The following NCAM2 variants were observed in gnomAD, a reference collection of about 807,000 sequenced individuals.
The protein encoded by NCAM2 is neural cell adhesion molecule 2.
NCAM2 carries 30 observed loss-of-function variants against 98.1 expected under a neutral mutation model. The ratio of observed to expected loss-of-function variants is 0.31; its 90% CI spans 0.23 to 0.41. NCAM2 has a LOEUF of 0.41. NCAM2 is among the 10% of genes least tolerant of loss of function. NCAM2 has a pLI of 1.00. For synonymous variants in NCAM2, 368 were observed against 342.4 expected (o/e 1.07, Z -0.83); for missense variants, 867 against 1,005.8 (o/e 0.86, Z 1.87).
intron 1 of NCAM2, among the ~76,000 whole-genome samples, chr21:21,228,752 G>A (rs1445934682): frequency 6.6e-6 from 1 of 151,358 alleles, no homozygotes; most frequent in Non-Finnish European, 1.5e-5. Flanking sequence ...TTACACCTGG[G>A]AGGCAAGAAA....
intron 16 of NCAM2, among the ~76,000 whole-genome samples, chr21:21,530,895 A>G (rs1989655730): frequency 6.6e-6 from 1 of 152,010 alleles, no homozygotes; most frequent in Non-Finnish European, 1.5e-5. Context: ...TTGCCCACAG[A>G]AGTCTATTCC....
chr21:21,406,093 CAG>C (rs1294788797), intron 9 of NCAM2, among the ~76,000 whole-genome samples: 3 of 152,080 alleles, frequency 2.0e-5, no homozygotes, highest in Admixed American at 6.6e-5. Context: ...ATTCGTCAAA[CAG>C]AAATTATTCC....
At chr21:21,012,300 C>T (rs965315129) in intron 1 of NCAM2, among the ~76,000 whole-genome samples, 8 of 152,092 alleles carry the variant, frequency 5.3e-5, no homozygotes, top group Admixed American at 5.2e-4. Context: ...AACTACATAA[C>T]ATTAATATTT....
At chr21:21,025,137 G>C (rs534575646) in intron 1 of NCAM2, among the ~76,000 whole-genome samples, 1 of 151,746 alleles carries the variant, frequency 6.6e-6, no homozygotes, top group Non-Finnish European at 1.5e-5. Context: ...CCAGGCTGGA[G>C]TGCAGTGGTG....
intron 10 of NCAM2, 35 bp downstream of exon 10, chr21:21,410,496 A>G (rs777616261): frequency 8.2e-7 from 1 of 1,221,832 alleles, no homozygotes. Context: ...AAATTGTATT[A>G]TTTTAACAAC....
chr21:21,440,484 C>A (rs963904939), intron 12 of NCAM2, among the ~76,000 whole-genome samples: 3 of 151,984 alleles, frequency 2.0e-5, no homozygotes, highest in Non-Finnish European at 4.4e-5. Flanking sequence ...GAGTTCAGGA[C>A]CAACCTGGGC....
intron 1 of NCAM2, among the ~76,000 whole-genome samples, chr21:21,116,015 TTGTGTGTGTG>T (rs3071992): frequency 2.1e-4 from 31 of 146,194 alleles, no homozygotes; most frequent in Non-Finnish European, 3.3e-4. Flanking sequence ...CATGCTGAGA[TTGTGTGTGTG>T]TGTGTGTGTG....
At chr21:21,017,424 CAAAA>C (rs11461275) in intron 1 of NCAM2, among the ~76,000 whole-genome samples, 3 of 58,780 alleles carry the variant, frequency 5.1e-5, no homozygotes, top group East Asian at 1.3e-3. Context: ...GACTCTGTCT[CAAAA>C]AAAAAAAAAA....
chr21:21,445,204 G>A (rs563851342), intron 12 of NCAM2, among the ~76,000 whole-genome samples: 2 of 152,034 alleles, frequency 1.3e-5, no homozygotes, highest in African/African-American at 2.4e-5. Flanking sequence ...GAGGCTGTTC[G>A]CTATGATTTC....
At chr21:21,142,364 CG>C (rs1310068864) in intron 1 of NCAM2, among the ~76,000 whole-genome samples, 29 of 111,670 alleles carry the variant, frequency 2.6e-4, no homozygotes, top group Admixed American at 9.2e-4. Context: ...ATTATTTGAC[CG>C]TTTTTTTTTA....
In NCAM2 at chr21:21,497,864, T is replaced by C. The variant is rs557521355; in HGVS notation, c.2078-10987T>C. Reference sequence around the variant, plus strand: ...AAATAGCCTGAGGATGTAAAACATATATAAATAAGCATTAGCCTTTTTTTA... The same window carrying C: ...AAATAGCCTGAGGATGTAAAACATACATAAATAAGCATTAGCCTTTTTTTA... On this transcript the variant is annotated intron_variant, in intron 15 of 17. Transcript: ENST00000400546. Among the ~76,000 whole-genome samples, 10 of 152,284 alleles carry C rather than the reference T, an allele frequency of 6.6e-5. No individual in the cohort carries two copies. The East Asian group carries it at 1.2e-3, about 18-fold the overall frequency.
intron 1 of NCAM2, among the ~76,000 whole-genome samples, chr21:21,066,748 A>G (rs1489931100): frequency 2.0e-5 from 3 of 152,132 alleles, no homozygotes; most frequent in South Asian, 2.1e-4. Context: ...TTATAAATAT[A>G]TATACTTTTA....
At chr21:21,410,215 T>A in intron 9 of NCAM2, 59 bp from the exon 10 acceptor site, 1 of 939,832 alleles carries the variant, frequency 1.1e-6, no homozygotes, top group East Asian at 3.1e-5. Context: ...TTATACTACT[T>A]AAATGATTAT....
intron 12 of NCAM2, among the ~76,000 whole-genome samples, chr21:21,463,129 A>T (rs528729903): frequency 6.6e-6 from 1 of 152,236 alleles, no homozygotes; most frequent in Non-Finnish European, 1.5e-5. Flanking sequence ...TCATTTTCCA[A>T]GTGGTAGTTT....
Position 21,109,384 on chromosome 21 carries a change from TATC to T in NCAM2, c.55+110768_55+110770del, listed in dbSNP as rs1322711944. On this transcript the variant is annotated intron_variant, in intron 1 of 17. Transcript: ENST00000400546. Reference sequence around the variant, plus strand: ...TGAATTAGCTTTCACAGGATATGATTATCAACATCTCATGTACCCCACAAATAT... The same window carrying T: ...TGAATTAGCTTTCACAGGATATGATTAACATCTCATGTACCCCACAAATAT... 2.0e-5 allele frequency among the ~76,000 whole-genome samples: 3 copies of T among 152,130 alleles called. No homozygotes were observed. In the East Asian group the frequency reaches 5.8e-4, roughly 29 times the overall value.
chr21:21,308,462 T>C (rs925745815), intron 5 of NCAM2, among the ~76,000 whole-genome samples: 5 of 152,104 alleles, frequency 3.3e-5, no homozygotes, highest in Admixed American at 3.3e-4. Context: ...TTTGCCTGAG[T>C]TTTTTTAGAT....
chr21:21,229,330 T>C (rs1380179054), intron 1 of NCAM2, among the ~76,000 whole-genome samples: 1 of 151,584 alleles, frequency 6.6e-6, no homozygotes, highest in Non-Finnish European at 1.5e-5. Context: ...TTTCATAGTG[T>C]TGACTTTGTT....
At chr21:21,115,960 TGTGTGTGTG>T (rs2066546080) in intron 1 of NCAM2, among the ~76,000 whole-genome samples, 1 of 4,558 alleles carries the variant, frequency 2.2e-4, no homozygotes, top group Non-Finnish European at 1.1e-3. Flanking sequence ...TGAGATTTTG[TGTGTGTGTG>T]TGTGTGTGTG....
chr21:21,466,946 G>A lies in NCAM2; in HGVS notation c.1774+221G>A, dbSNP rs577544546. 1.2e-4 allele frequency among the ~76,000 whole-genome samples: 19 copies of A among 152,118 alleles called. No individual in the cohort carries two copies. The South Asian group carries it at 3.7e-3, about 30-fold the overall frequency. Reference sequence around the variant, plus strand: ...AAAAGAGTGCACTAGAATACACTCAGTAAAAATTGTTCCCGGGAAATTGTC... The same window carrying A: ...AAAAGAGTGCACTAGAATACACTCAATAAAAATTGTTCCCGGGAAATTGTC... On this transcript the variant is annotated intron_variant, in intron 13 of 17. Transcript: ENST00000400546.
Sources: allele counts gnomAD v4.1 joint callset (sites outside exome capture counted in the v4.1 genomes callset), GRCh38; gene constraint gnomAD v4.1.1; transcripts MANE v1.5; gene names NCBI Gene and HGNC (gene_info 2026-07-23, HGNC 2026-07-21).